GPHN: variants seen among roughly 807,000 people sequenced by gnomAD.
GPHN encodes the protein gephyrin.
Under a neutral mutation model 95.5 loss-of-function variants are expected in GPHN, and 17 were observed. The ratio of observed to expected loss-of-function variants is 0.18; its 90% CI spans 0.12 to 0.27. GPHN has a LOEUF of 0.27. GPHN is among the 10% of genes least tolerant of loss of function. The pLI, the probability that GPHN is intolerant of heterozygous loss-of-function variation, is 1.00. For missense variants in GPHN, 660 were observed against 978.1 expected (o/e 0.67, Z 4.34); for synonymous variants, 320 against 322.5 (o/e 0.99, Z 0.08).
intron 1 of GPHN, among the ~76,000 whole-genome samples, chr14:66,582,864 T>A (rs2061250078): frequency 6.6e-6 from 1 of 152,308 alleles, no homozygotes; most frequent in Non-Finnish European, 1.5e-5. Context: ...TGTGTCTTTA[T>A]AGCAGCATGA....
At chr14:66,995,982 G>A (rs570911819) in intron 9 of GPHN, among the ~76,000 whole-genome samples, 4 of 152,034 alleles carry the variant, frequency 2.6e-5, no homozygotes, top group Admixed American at 1.3e-4. Context: ...TTTTTAGCAA[G>A]GTATTTTTTG....
At chr14:67,330,144 T>C in the GPHN span, among the ~76,000 whole-genome samples, 1 of 146,064 alleles carries the variant, frequency 6.8e-6, no homozygotes, top group African/African-American at 2.5e-5. Flanking sequence ...AAATAAATAA[T>C]AATAATAATA....
intron 17 of GPHN, among the ~76,000 whole-genome samples, chr14:67,140,299 G>A (rs1034160294): frequency 2.0e-5 from 3 of 151,358 alleles, no homozygotes; most frequent in East Asian, 1.9e-4. Context: ...CAGGAGAATC[G>A]CATGAACCCA....
chr14:66,858,389 C>T (rs748870597), intron 4 of GPHN, among the ~76,000 whole-genome samples: 1 of 151,808 alleles, frequency 6.6e-6, no homozygotes, highest in African/African-American at 2.4e-5. Context: ...CCTTAGCTCC[C>T]GGACAACATT....
the GPHN span, chr14:67,352,902 T>A: frequency 5.2e-6 from 8 of 1,532,874 alleles, no homozygotes; most frequent in East Asian, 1.8e-4. Context: ...TAAATACTAT[T>A]CTAAGAAAAG....
At chr14:66,576,154 G>T (rs12590209) in intron 1 of GPHN, among the ~76,000 whole-genome samples, 47,254 of 151,918 alleles carry the variant, frequency 0.31, 11,171 homozygotes, top group African/African-American at 0.64. Context: ...TGCTGGCCTG[G>T]TGCCTTGGGT....
At chr14:66,783,596 A>T (rs775733069) in intron 3 of GPHN, among the ~76,000 whole-genome samples, 10 of 152,178 alleles carry the variant, frequency 6.6e-5, no homozygotes, top group Non-Finnish European at 1.2e-4. Flanking sequence ...CTCTACCCCC[A>T]GCTGTATCAA....
At chr14:67,583,624 C>G in the GPHN span, 1 of 691,842 alleles carries the variant, frequency 1.4e-6, no homozygotes, top group Non-Finnish European at 2.3e-6. Context: ...TTTTCACAAC[C>G]ACTCGCACCC....
At chr14:67,721,738 GATATAT>G in the GPHN span, among the ~76,000 whole-genome samples, 47,898 of 146,684 alleles carry the variant, frequency 0.33, 8,174 homozygotes, top group East Asian at 0.56. Context: ...AACAAGTGGG[GATATAT>G]ATATATATAT....
rs1192347544 is a variant in GPHN at position 67,031,635 on chromosome 14, G to T, written c.1006+7960G>T. 1.8e-4 allele frequency among the ~76,000 whole-genome samples: 28 copies of T among 152,040 alleles called. 1 individual carries two copies. Among genetic ancestry groups the T allele is most frequent in the Admixed American group, 1.8e-3 (28 of 15,268 alleles). Reference sequence around the variant, plus strand: ...AAAAGAAAAAAATATTTTAGAGATTGTATCTCACTATGTTGCCCAGACTGG... The same window carrying T: ...AAAAGAAAAAAATATTTTAGAGATTTTATCTCACTATGTTGCCCAGACTGG... On this transcript the variant is annotated intron_variant, in intron 10 of 22. Transcript: ENST00000478722.
chr14:67,070,715 A>AAAAAAATATATATATATATATAT lies in GPHN; in HGVS notation c.1144+11930_1144+11931insAAAAATATATATATATATATATA. On this transcript the variant is annotated intron_variant, in intron 11 of 22. Transcript: ENST00000478722. ...ATCTCAAAAAAAAAAAAAAAAAAAA[A>AAAAAAATATATATATATATATAT]ATATATATATATATCCAATCAGCAT... Among the ~76,000 whole-genome samples the AAAAAAATATATATATATATATAT allele has an allele frequency of 7.9e-4, 64 of 80,580 alleles. 2 individuals carry two copies. The highest frequency in any genetic ancestry group is 7.2e-3 in the African/African-American group (57 of 7,880). The allele number at this position is 80,580 out of a possible 152,430, so 52.9% of individuals were successfully genotyped here. A position where few individuals can be genotyped will look rare whatever the true frequency, so the allele number is the denominator to read the frequency against.
intron 1 of GPHN, among the ~76,000 whole-genome samples, chr14:66,537,378 A>G (rs2059180131): frequency 6.6e-6 from 1 of 152,004 alleles, no homozygotes; most frequent in African/African-American, 2.4e-5. Flanking sequence ...TTGGCTCATT[A>G]GCTTTTCAGT....
At chr14:66,911,530 G>T (rs1198949454) in intron 5 of GPHN, among the ~76,000 whole-genome samples, 2 of 151,938 alleles carry the variant, frequency 1.3e-5, no homozygotes, top group Non-Finnish European at 2.9e-5. Context: ...GTCAAGGCAC[G>T]CAGTACTCTT....
intron 1 of GPHN, among the ~76,000 whole-genome samples, chr14:66,549,986 T>C (rs979767727): frequency 1.3e-5 from 2 of 152,234 alleles, no homozygotes; most frequent in Non-Finnish European, 2.9e-5. Flanking sequence ...TTACTACTTA[T>C]TGATAATGTA....
intron 2 of GPHN, among the ~76,000 whole-genome samples, chr14:66,744,822 C>CTGTT (rs2058077618): frequency 6.6e-6 from 1 of 151,906 alleles, no homozygotes; most frequent in African/African-American, 2.4e-5. Context: ...ATTTTAGTCA[C>CTGTT]TGTTACTTGT....
chr14:66,766,488 CA>C (rs941298718), intron 2 of GPHN, among the ~76,000 whole-genome samples: 1 of 151,998 alleles, frequency 6.6e-6, no homozygotes, highest in Non-Finnish European at 1.5e-5. Context: ...ACTAGACTCA[CA>C]AAAACAGTAA....
the GPHN span, among the ~76,000 whole-genome samples, chr14:67,563,820 G>A: frequency 2.8e-5 from 4 of 141,626 alleles, no homozygotes; most frequent in Admixed American, 7.5e-5. Flanking sequence ...TGCAACCTCC[G>A]CCTCCCAGGT....
chr14:66,777,083 T>G (rs74385403), intron 3 of GPHN, among the ~76,000 whole-genome samples: 10 of 107,392 alleles, frequency 9.3e-5, no homozygotes, highest in Non-Finnish European at 1.9e-4. Context: ...GCAAGACTAA[T>G]AAAAAAAAAA....
the GPHN span, among the ~76,000 whole-genome samples, chr14:67,516,619 T>C: frequency 8.1e-6 from 1 of 123,848 alleles, no homozygotes; most frequent in Middle Eastern, 4.2e-3. Flanking sequence ...TCTGATCCTG[T>C]GTCTTCCCCT....
Sources: allele counts gnomAD v4.1 joint callset (sites outside exome capture counted in the v4.1 genomes callset), GRCh38; gene constraint gnomAD v4.1.1; transcripts MANE v1.5; gene names NCBI Gene and HGNC (gene_info 2026-07-23, HGNC 2026-07-21).